The following SGCG variants were observed in gnomAD, a reference collection of about 807,000 sequenced individuals.
SGCG encodes the protein sarcoglycan gamma, also known as gamma-sarcoglycan.
In SGCG, 26 loss-of-function variants were observed where a neutral mutation model predicts 29.3. The ratio of observed to expected loss-of-function variants is 0.89; its 90% confidence interval spans 0.65 to 1.23. The LOEUF (loss-of-function observed/expected upper bound fraction) is 1.23. Ranked by LOEUF, SGCG falls within the 50% of genes most tolerant of loss-of-function variation. The probability of loss-of-function intolerance (pLI) is 0.00; values close to 1 mark genes in which losing one functional copy is unlikely to be tolerated. For synonymous variants in SGCG, 145 were observed against 129.7 expected (o/e 1.12, Z -0.80); for missense variants, 353 against 356.0 (o/e 0.99, Z 0.07).
chr13:23,183,125 C>G (rs1244364325), intron 1 of SGCG, among the ~76,000 whole-genome samples: 1 of 152,162 alleles, frequency 6.6e-6, no homozygotes, highest in Non-Finnish European at 1.5e-5. Context: ...TACTTAATTT[C>G]TATGTCTCAG....
At chr13:23,251,925 A>T (rs991054931) in intron 4 of SGCG, among the ~76,000 whole-genome samples, 2 of 152,172 alleles carry the variant, frequency 1.3e-5, no homozygotes, top group African/African-American at 4.8e-5. Context: ...ATAATGTTAC[A>T]TGGGAAACTA....
chr13:23,248,997 G>GAAAAAAAAAAAAAAAAAAAAAA (rs147956071), intron 3 of SGCG, among the ~76,000 whole-genome samples: 1 of 112,880 alleles, frequency 8.9e-6, no homozygotes, highest in Non-Finnish European at 1.7e-5. Flanking sequence ...TCACAGAAAA[G>GAAAAAAAAAAAAAAAAAAAAAA]AAAAAAAAAA....
chr13:23,222,109 T>A (rs923019417), intron 2 of SGCG, among the ~76,000 whole-genome samples: 3 of 152,204 alleles, frequency 2.0e-5, no homozygotes. Flanking sequence ...TTTCCCCATG[T>A]ATCAGATTTT....
intron 3 of SGCG, among the ~76,000 whole-genome samples, chr13:23,236,017 T>C (rs1445822828): frequency 1.3e-5 from 2 of 152,212 alleles, no homozygotes; most frequent in Non-Finnish European, 2.9e-5. Flanking sequence ...TAAGTAGTTT[T>C]AGGTGCTGTT....
chr13:23,257,693 G>C (rs1174195158), intron 4 of SGCG, among the ~76,000 whole-genome samples: 1 of 152,182 alleles, frequency 6.6e-6, no homozygotes, highest in Non-Finnish European at 1.5e-5. Flanking sequence ...TAACATTTAA[G>C]TCTTTAACCC....
intron 3 of SGCG, chr13:23,243,448 G>C (rs1879584299): frequency 6.6e-6 from 1 of 152,238 alleles, no homozygotes; most frequent in South Asian, 2.1e-4. Flanking sequence ...ATCTCCCATT[G>C]ACCAGAATTG....
chr13:23,277,767 C>T (rs1468499708), intron 4 of SGCG, among the ~76,000 whole-genome samples: 1 of 147,286 alleles, frequency 6.8e-6, no homozygotes, highest in Admixed American at 6.8e-5. Context: ...GGCGTGATCT[C>T]GGCTCACTGC....
intron 6 of SGCG, among the ~76,000 whole-genome samples, chr13:23,299,439 TA>T (rs796226171): frequency 0.021 from 448 of 21,184 alleles, 37 homozygotes; most frequent in African/African-American, 0.052. Flanking sequence ...TATATATATA[TA>T]TATATATATA....
chr13:23,201,284 C>A (rs1193091651), intron 1 of SGCG, among the ~76,000 whole-genome samples: 3 of 152,116 alleles, frequency 2.0e-5, no homozygotes, highest in South Asian at 2.1e-4. Context: ...TGAACAAAAG[C>A]ATTATCTAGT....
intron 7 of SGCG, among the ~76,000 whole-genome samples, chr13:23,321,807 G>C (rs984551437): frequency 6.6e-6 from 1 of 152,134 alleles, no homozygotes; most frequent in Non-Finnish European, 1.5e-5. Flanking sequence ...ACAGCAGGCA[G>C]CAGGGGAGGA....
chr13:23,294,125 C>A (rs189958755), intron 5 of SGCG, among the ~76,000 whole-genome samples: 67 of 152,254 alleles, frequency 4.4e-4, no homozygotes, highest in African/African-American at 1.6e-3. Flanking sequence ...CCTGTGGAAC[C>A]ACAAGAGAGA....
At chr13:23,163,290 A>T in the SGCG span, among the ~76,000 whole-genome samples, 1 of 152,204 alleles carries the variant, frequency 6.6e-6, no homozygotes, top group Non-Finnish European at 1.5e-5. Context: ...TGAGGGAAAT[A>T]TTTATGCCGG....
chr13:23,268,240 C>G (rs1880717364), intron 4 of SGCG: 1 of 152,174 alleles, frequency 6.6e-6, no homozygotes. Flanking sequence ...AGGTGGCCAA[C>G]AATTCTGTAA....
chr13:23,324,459 G>T lies in SGCG; in HGVS notation c.794G>T (p.Cys265Phe). Residue 265 changes from cysteine (C) to phenylalanine (F), a missense_variant, in exon 8 of 8, where the codon TGT (cysteine) becomes TTT (phenylalanine). Transcript: ENST00000218867. ...SGSSQSLYEI[C>F]VCPDGKLYLS... ...AGCTCACAGAGCCTCTACGAAATCT[G>T]TGTGTGTCCAGATGGGAAGCTGTAC... 3 of 1,614,068 alleles carry T rather than the reference G, an allele frequency of 1.9e-6. No homozygotes were observed. The highest frequency in any genetic ancestry group is 2.5e-6 in the Non-Finnish European group (3 of 1,180,034).
chr13:23,295,891 C>G (rs1015977307), intron 6 of SGCG, among the ~76,000 whole-genome samples: 1 of 152,324 alleles, frequency 6.6e-6, no homozygotes, highest in African/African-American at 2.4e-5. Flanking sequence ...GGGACCTCCT[C>G]CCCTACCCTG....
the SGCG span, among the ~76,000 whole-genome samples, chr13:23,175,928 T>G: frequency 6.6e-6 from 1 of 152,232 alleles, no homozygotes; most frequent in South Asian, 2.1e-4. Context: ...AGATGAAAAC[T>G]CTTAGTTTTC....
At chr13:23,324,250 G>T (rs1883147594) in intron 7 of SGCG, 118 bp from the exon 8 acceptor site, 3 of 854,238 alleles carry the variant, frequency 3.5e-6, no homozygotes, top group Admixed American at 1.9e-5. Flanking sequence ...AAAGTCAGGT[G>T]CCTATTTTGT....
At chr13:23,291,966 A>T (rs753206107) in intron 5 of SGCG, among the ~76,000 whole-genome samples, 5 of 152,162 alleles carry the variant, frequency 3.3e-5, no homozygotes, top group African/African-American at 4.8e-5. Context: ...CTGTCACCCT[A>T]AGACCAGTGT....
intron 2 of SGCG, among the ~76,000 whole-genome samples, chr13:23,208,711 CT>C (rs982429257): frequency 6.6e-5 from 10 of 152,198 alleles, no homozygotes; most frequent in Middle Eastern, 6.8e-3. Flanking sequence ...ACAACTGATG[CT>C]GAGTATAAAG....
Sources: allele counts gnomAD v4.1 joint callset (sites outside exome capture counted in the v4.1 genomes callset), GRCh38; gene constraint gnomAD v4.1.1; transcripts MANE v1.5; gene names NCBI Gene and HGNC (gene_info 2026-07-23, HGNC 2026-07-21).